GNB1L: variants seen among roughly 807,000 people sequenced by gnomAD.
The protein encoded by GNB1L is G protein subunit beta 1 like.
Under a neutral mutation model 29.1 loss-of-function variants are expected in GNB1L, and 20 were observed. That is an observed-to-expected ratio of 0.69 (90% CI 0.48 to 1.00). GNB1L has a LOEUF of 1.00. Among genes scored for constraint, GNB1L ranks in the 50% least tolerant of loss-of-function variants. GNB1L has a pLI of 0.00. For synonymous variants in GNB1L, 193 were observed against 206.5 expected (o/e 0.93, Z 0.56); for missense variants, 421 against 464.9 (o/e 0.91, Z 0.87).
chr22:19,844,633 GTC>G (rs1450979908), intron 2 of GNB1L, among the ~76,000 whole-genome samples: 1 of 152,212 alleles, frequency 6.6e-6, no homozygotes, highest in Non-Finnish European at 1.5e-5. Context: ...GGCAGGCGGG[GTC>G]TCTCTGTGAG....
At chr22:19,850,698 G>C in intron 2 of GNB1L, 1 of 1,233,904 alleles carries the variant, frequency 8.1e-7, no homozygotes, top group Non-Finnish European at 1.0e-6. Context: ...ACAGGGAGCA[G>C]AGAGGGTGGG....
rs1302603484 is a variant in GNB1L, at chr22:19,788,491, C to T, written c.*218G>A. Reference sequence around the variant, plus strand: ...CCAAGCCAACGTCTCCTGCAGGCCTCGGACGGCCAGGGCTCTGGCTGGCCC... The same window carrying T: ...CCAAGCCAACGTCTCCTGCAGGCCTTGGACGGCCAGGGCTCTGGCTGGCCC... On this transcript the variant is annotated 3_prime_UTR_variant, in exon 8 of 8. Coordinates refer to ENST00000329517, the MANE Select transcript of GNB1L (RefSeq NM_053004.3). 5 of 664,462 alleles carry T rather than the reference C, an allele frequency of 7.5e-6. No homozygotes were observed. Among genetic ancestry groups the T allele is most frequent in the African/African-American group, 5.4e-5 (3 of 55,728 alleles). The allele number at this position is 664,462 out of a possible 1,614,324, so 41.2% of individuals were successfully genotyped here. A position where few individuals can be genotyped will look rare whatever the true frequency, so the allele number is the denominator to read the frequency against.
intron 4 of GNB1L, among the ~76,000 whole-genome samples, chr22:19,819,453 G>A (rs1269428724): frequency 1.3e-5 from 2 of 152,166 alleles, no homozygotes; most frequent in Admixed American, 6.5e-5. Context: ...TGGCCAGGGC[G>A]AGCTCTGCTG....
At chr22:19,844,769 G>A (rs1484277161) in intron 2 of GNB1L, among the ~76,000 whole-genome samples, 2 of 152,322 alleles carry the variant, frequency 1.3e-5, no homozygotes, top group East Asian at 3.9e-4. Context: ...AGGCACTTAC[G>A]GGCAGAGGCA....
At chr22:19,837,783 T>C (rs1440885791) in intron 2 of GNB1L, among the ~76,000 whole-genome samples, 2 of 152,172 alleles carry the variant, frequency 1.3e-5, no homozygotes, top group African/African-American at 2.4e-5. Flanking sequence ...TCCTTGACAA[T>C]GACAAAGTAG....
At chr22:19,828,835 C>CT (rs539568221) in intron 2 of GNB1L, among the ~76,000 whole-genome samples, 5,200 of 141,704 alleles carry the variant, frequency 0.037, 230 homozygotes, top group South Asian at 0.1. Flanking sequence ...TACTCTTTTT[C>CT]TTTTTTTTTT....
intron 2 of GNB1L, chr22:19,850,142 G>A (rs1339556879): frequency 2.0e-6 from 2 of 985,528 alleles, no homozygotes; most frequent in Non-Finnish European, 2.4e-6. Flanking sequence ...AACCACAGCT[G>A]CAATGCTGAC....
At chr22:19,839,474 T>C (rs1007741118) in intron 2 of GNB1L, among the ~76,000 whole-genome samples, 3 of 152,070 alleles carry the variant, frequency 2.0e-5, no homozygotes, top group African/African-American at 7.2e-5. Flanking sequence ...ACAGGCACAG[T>C]GGTTCATGCC....
intron 5 of GNB1L, among the ~76,000 whole-genome samples, chr22:19,809,508 G>T (rs985702489): frequency 6.6e-6 from 1 of 152,152 alleles, no homozygotes; most frequent in Non-Finnish European, 1.5e-5. Context: ...TTGCAATAAG[G>T]CAAGGGTCTA....
At chr22:19,846,865 T>TAA in intron 2 of GNB1L, 1 of 926,950 alleles carries the variant, frequency 1.1e-6, no homozygotes, top group Non-Finnish European at 1.3e-6. Context: ...AAATGTCTGT[T>TAA]GTTTAAGTCC....
At chr22:19,827,871 C>T (rs77356811) in intron 2 of GNB1L, among the ~76,000 whole-genome samples, 1 of 152,130 alleles carries the variant, frequency 6.6e-6, no homozygotes, top group Non-Finnish European at 1.5e-5. Context: ...GAAACTCACA[C>T]AAGAATGTTC....
chr22:19,835,056 G>A (rs12484150), intron 2 of GNB1L, among the ~76,000 whole-genome samples: 5 of 152,158 alleles, frequency 3.3e-5, no homozygotes, highest in Admixed American at 3.3e-4. Context: ...CATCGATTCA[G>A]AAAGAAGACA....
chr22:19,842,747 C>T (rs745591421), intron 2 of GNB1L, among the ~76,000 whole-genome samples: 1 of 152,230 alleles, frequency 6.6e-6, no homozygotes, highest in Non-Finnish European at 1.5e-5. Context: ...ACATGCTGCA[C>T]CTCCCTGTTT....
At chr22:19,820,375 T>C (rs1937568350) in intron 4 of GNB1L, among the ~76,000 whole-genome samples, 1 of 152,144 alleles carries the variant, frequency 6.6e-6, no homozygotes, top group African/African-American at 2.4e-5. Context: ...GCTTGGAGCA[T>C]GAAGGGTCCA....
At position 19,816,712 on chromosome 22, in the gene GNB1L, A is replaced by C. The variant is rs893543551; in HGVS notation, c.254+3886T>G. On this transcript the variant is annotated intron_variant, in intron 4 of 7. Transcript: ENST00000329517. The surrounding 1 kb of genome is among the most constrained non-coding windows in gnomAD (Gnocchi z 4.4). ...TTACATACACAAACCTCACACACAC[A>C]ACACACAGGTTCTTTCTCACCTTCC... Among the ~76,000 whole-genome samples the C allele has an allele frequency of 6.6e-6, 1 of 152,018 alleles. No homozygotes were observed. Among genetic ancestry groups the C allele is most frequent in the Non-Finnish European group, 1.5e-5 (1 of 67,968 alleles).
At chr22:19,807,369 G>T (rs1478938670) in intron 5 of GNB1L, among the ~76,000 whole-genome samples, 3 of 152,156 alleles carry the variant, frequency 2.0e-5, no homozygotes, top group African/African-American at 7.2e-5. Flanking sequence ...GTCAGGGGAT[G>T]GCCGAGGCCA....
chr22:19,851,570 G>A (rs1938099901), intron 2 of GNB1L: 2 of 1,609,656 alleles, frequency 1.2e-6, no homozygotes, highest in Non-Finnish European at 1.7e-6. Flanking sequence ...TAAAGACCTG[G>A]GGGCAGTACC....
At chr22:19,802,940 C>T (rs911828202) in intron 6 of GNB1L, among the ~76,000 whole-genome samples, 3 of 152,344 alleles carry the variant, frequency 2.0e-5, no homozygotes, top group East Asian at 1.9e-4. Flanking sequence ...CCTGGGGACA[C>T]AGCCGTCAGT....
Position 19,847,565 on chromosome 22 carries a change from G to A in GNB1L, c.-21+6878C>T, listed in dbSNP as rs1937989415. 12 of 985,302 alleles carry A rather than the reference G, an allele frequency of 1.2e-5. No individual in the cohort carries two copies. In the South Asian group the frequency reaches 3.8e-4, roughly 31 times the overall value. 61.0% of individuals were successfully genotyped at this position (985,302 alleles called of 1,614,324 possible). ...ACCCTCAGCTCATGCGGGGAGGGGA[G>A]GAGGCAAGGCCAACCTCCAGTCCCT... On this transcript the variant is annotated intron_variant, in intron 2 of 7. Transcript: ENST00000329517.
Sources: allele counts gnomAD v4.1 joint callset (sites outside exome capture counted in the v4.1 genomes callset), GRCh38; gene constraint gnomAD v4.1.1; non-coding constraint Gnocchi (gnomAD v3.1); transcripts MANE v1.5; gene names NCBI Gene and HGNC (gene_info 2026-07-23, HGNC 2026-07-21).